Variants in BBOX1 observed in about 807,000 individuals in gnomAD.
BBOX1 encodes gamma-butyrobetaine dioxygenase.
Under a neutral mutation model 41.6 loss-of-function variants are expected in BBOX1, and 35 were observed. The ratio of observed to expected loss-of-function variants is 0.84; its 90% CI spans 0.64 to 1.11. The LOEUF is 1.11. BBOX1 is among the 50% of genes most tolerant of loss of function. The pLI, the probability that BBOX1 is intolerant of heterozygous loss-of-function variation, is 0.00. For synonymous variants in BBOX1, 163 were observed against 154.7 expected (o/e 1.05, Z -0.40); for missense variants, 458 against 460.6 (o/e 0.99, Z 0.05).
intron 2 of BBOX1, among the ~76,000 whole-genome samples, chr11:27,053,271 C>T (rs1856871251): frequency 6.6e-6 from 1 of 152,090 alleles, no homozygotes; most frequent in Non-Finnish European, 1.5e-5. Flanking sequence ...GGAAAGAGAA[C>T]CATTTTTGCA....
intron 4 of BBOX1, among the ~76,000 whole-genome samples, chr11:27,072,150 A>G (rs1371694285): frequency 6.6e-6 from 1 of 152,218 alleles, no homozygotes; most frequent in African/African-American, 2.4e-5. Flanking sequence ...TGCAGATGAC[A>G]TGATTGTATA....
intron 5 of BBOX1, among the ~76,000 whole-genome samples, chr11:27,101,855 C>T (rs1438621844): frequency 6.6e-6 from 1 of 152,074 alleles, no homozygotes; most frequent in Non-Finnish European, 1.5e-5. Context: ...GCAAAAAGAC[C>T]TGACATCTAC....
intron 4 of BBOX1, among the ~76,000 whole-genome samples, chr11:27,081,455 T>C (rs951769496): frequency 1.3e-5 from 2 of 152,198 alleles, no homozygotes; most frequent in Non-Finnish European, 2.9e-5. Context: ...CAGTCTATTA[T>C]TGATGGACAT....
chr11:27,064,760 G>A (rs1857230474), intron 4 of BBOX1, among the ~76,000 whole-genome samples: 1 of 152,108 alleles, frequency 6.6e-6, no homozygotes, highest in African/African-American at 2.4e-5. Context: ...TAGGCTTGCT[G>A]CTGATTTGTT....
chr11:27,049,611 T>C (rs1025404975), intron 2 of BBOX1, among the ~76,000 whole-genome samples: 6 of 152,088 alleles, frequency 3.9e-5, no homozygotes, highest in African/African-American at 1.4e-4. Context: ...TCCTCATATA[T>C]TTTGGAAATT....
At chr11:27,070,535 A>C (rs1018772552) in intron 4 of BBOX1, among the ~76,000 whole-genome samples, 1 of 151,872 alleles carries the variant, frequency 6.6e-6, no homozygotes, top group African/African-American at 2.4e-5. Context: ...TTTTGTTTTT[A>C]ATATAGTTGC....
intron 5 of BBOX1, among the ~76,000 whole-genome samples, chr11:27,112,339 T>C (rs1372902): frequency 0.95 from 144,087 of 152,054 alleles, 68,381 homozygotes; most frequent in African/African-American, 0.98. Context: ...GTCATAGTTA[T>C]TTTGGAGAAG....
At chr11:27,113,522 A>C (rs1421562448) in intron 5 of BBOX1, among the ~76,000 whole-genome samples, 1 of 151,924 alleles carries the variant, frequency 6.6e-6, no homozygotes, top group Non-Finnish European at 1.5e-5. Context: ...ATGGAGCCAG[A>C]TGCCATTATC....
intron 4 of BBOX1, among the ~76,000 whole-genome samples, chr11:27,070,916 C>A (rs145405268): frequency 1.1e-4 from 17 of 152,144 alleles, no homozygotes; most frequent in African/African-American, 3.6e-4. Flanking sequence ...TGCACATCAA[C>A]CTTTTGTTTC....
chr11:27,056,579 C>T (rs1399573325), intron 3 of BBOX1, among the ~76,000 whole-genome samples: 1 of 151,940 alleles, frequency 6.6e-6, no homozygotes, highest in African/African-American at 2.4e-5. Flanking sequence ...TTCTAATACT[C>T]TTGGCAGGAA....
intron 5 of BBOX1, among the ~76,000 whole-genome samples, chr11:27,095,992 CT>C (rs138103311): frequency 5.3e-5 from 8 of 151,778 alleles, no homozygotes; most frequent in Non-Finnish European, 1.2e-4. Flanking sequence ...GCTTGTTTTT[CT>C]TTTTTTATTT....
intron 4 of BBOX1, among the ~76,000 whole-genome samples, chr11:27,082,877 A>T (rs1326131517): frequency 6.6e-6 from 1 of 152,110 alleles, no homozygotes; most frequent in East Asian, 1.9e-4. Context: ...AAGCGTGAGT[A>T]TACAGACTAT....
Position 27,088,812 on chromosome 11 carries a change from T to C in BBOX1, c.335-4356T>C, listed in dbSNP as rs532005383. On this transcript the variant is annotated intron_variant, in intron 4 of 8. Coordinates refer to ENST00000263182, the MANE Select transcript of BBOX1 (RefSeq NM_003986.3). ...CATGACTTGGAACTCTGTTCCCTTC[T>C]CTATAACACAGCAACACTGAAAACA... 2.0e-5 allele frequency among the ~76,000 whole-genome samples: 3 copies of C among 152,162 alleles called. No homozygotes were observed. In the East Asian group the frequency reaches 5.8e-4, roughly 29 times the overall value.
intron 5 of BBOX1, among the ~76,000 whole-genome samples, chr11:27,102,511 T>C (rs1858698754): frequency 6.6e-6 from 1 of 151,994 alleles, no homozygotes; most frequent in African/African-American, 2.4e-5. Flanking sequence ...TTCCTAAGTT[T>C]TATGGTGTTC....
intron 2 of BBOX1, among the ~76,000 whole-genome samples, chr11:27,052,332 C>T (rs1010559556): frequency 1.3e-5 from 2 of 152,064 alleles, no homozygotes; most frequent in African/African-American, 4.8e-5. Context: ...ACAACAGCTC[C>T]ATACAATGTA....
rs555577045 is a variant in BBOX1 at position 27,095,583 on chromosome 11, T to C, written c.533+2217T>C. Reference sequence around the variant, plus strand: ...ACCTTCCTTAGATTATCACATTTCTTACCTGAATCTCTCAAATTATGTGCA... The same window carrying C: ...ACCTTCCTTAGATTATCACATTTCTCACCTGAATCTCTCAAATTATGTGCA... On this transcript the variant is annotated intron_variant, in intron 5 of 8. Coordinates refer to ENST00000263182, the MANE Select transcript of BBOX1 (RefSeq NM_003986.3). 2.2e-4 allele frequency among the ~76,000 whole-genome samples: 34 copies of C among 152,098 alleles called. 1 individual carries two copies. The East Asian group carries it at 6.0e-3, about 27-fold the overall frequency.
In BBOX1 at chr11:27,122,885, T is replaced by C. The variant is rs568275499; in HGVS notation, c.837-2769T>C. 2.6e-5 allele frequency among the ~76,000 whole-genome samples: 4 copies of C among 152,280 alleles called. No individual in the cohort carries two copies. The South Asian group carries it at 6.2e-4, about 24-fold the overall frequency. Reference sequence around the variant, plus strand: ...GTTTAAGTTTAATTAATTTGTCCTTTATGTATAGCGAATGTATAGCCAGTT... The same window carrying C: ...GTTTAAGTTTAATTAATTTGTCCTTCATGTATAGCGAATGTATAGCCAGTT... On this transcript the variant is annotated intron_variant, in intron 7 of 8. Transcript: ENST00000263182.
At chr11:27,053,644 G>T (rs1166115459) in intron 2 of BBOX1, among the ~76,000 whole-genome samples, 9 of 152,044 alleles carry the variant, frequency 5.9e-5, no homozygotes, top group Admixed American at 5.9e-4. Context: ...CAATGTATGT[G>T]AGAAAACTTG....
At chr11:27,107,602 T>C (rs548699054) in intron 5 of BBOX1, among the ~76,000 whole-genome samples, 159 of 152,074 alleles carry the variant, frequency 1.0e-3, no homozygotes, top group Non-Finnish European at 2.0e-3. Context: ...GTTGTTGCCT[T>C]ACTTGGAATA....
Sources: allele counts gnomAD v4.1 joint callset (sites outside exome capture counted in the v4.1 genomes callset), GRCh38; gene constraint gnomAD v4.1.1; transcripts MANE v1.5; gene names NCBI Gene and HGNC (gene_info 2026-07-23, HGNC 2026-07-21).